Variants in NKAIN2 observed in about 807,000 individuals in gnomAD.
NKAIN2 encodes sodium/potassium transporting ATPase interacting 2, also known as sodium/potassium-transporting ATPase subunit beta-1-interacting protein 2.
In NKAIN2, 14 loss-of-function variants were observed where a neutral mutation model predicts 32.6. That is an observed-to-expected ratio of 0.43 (90% CI 0.28 to 0.67). NKAIN2 has a LOEUF of 0.67. Among genes scored for constraint, NKAIN2 ranks in the 30% least tolerant of loss-of-function variants. The pLI is 0.17. For missense variants in NKAIN2, 198 were observed against 258.3 expected, an observed-to-expected ratio of 0.77 and a Z score of 1.60; for synonymous variants, 80 against 87.2, an observed-to-expected ratio of 0.92 and a Z score of 0.46.
intron 1 of NKAIN2, among the ~76,000 whole-genome samples, chr6:124,023,463 C>G (rs553717789): frequency 1.3e-5 from 2 of 152,160 alleles, no homozygotes; most frequent in African/African-American, 4.8e-5. Flanking sequence ...TTCCATCTTT[C>G]AAATACTAAA....
chr6:124,305,915 T>G (rs1181292903), intron 2 of NKAIN2, among the ~76,000 whole-genome samples: 1 of 152,166 alleles, frequency 6.6e-6, no homozygotes, highest in Non-Finnish European at 1.5e-5. Context: ...TAATTCTTTC[T>G]TTTCTTCTTT....
intron 1 of NKAIN2, among the ~76,000 whole-genome samples, chr6:123,967,237 G>A (rs2114626711): frequency 6.6e-6 from 1 of 152,296 alleles, no homozygotes. Flanking sequence ...GGGAGTGGGT[G>A]TGCACATGTG....
chr6:123,918,641 C>T (rs1467631671), intron 1 of NKAIN2, among the ~76,000 whole-genome samples: 1 of 152,130 alleles, frequency 6.6e-6, no homozygotes, highest in Non-Finnish European at 1.5e-5. Context: ...ATATTTAAAT[C>T]ACTGGACTGA....
intron 3 of NKAIN2, among the ~76,000 whole-genome samples, chr6:124,521,969 C>T (rs1779134232): frequency 6.6e-6 from 1 of 152,024 alleles, no homozygotes; most frequent in Non-Finnish European, 1.5e-5. Flanking sequence ...TTCCTAATCA[C>T]TAATAGAAAA....
rs964823191 is a variant in NKAIN2, at chr6:124,680,288, A to T, written c.474+21902A>T. Among the ~76,000 whole-genome samples, 3 of 152,170 alleles carry T rather than the reference A, an allele frequency of 2.0e-5. No homozygotes were observed. The East Asian group carries it at 5.8e-4, about 29-fold the overall frequency. ...ACCTCCTTATAAAGGAGAAGCCAAG[A>T]GATGCTGTGGCAGTTGATGATTTGA... On this transcript the variant is annotated intron_variant, in intron 4 of 6. Coordinates refer to ENST00000368417, the MANE Select transcript of NKAIN2 (RefSeq NM_001040214.3).
chr6:123,804,643 C>T (rs1194364075), intron 1 of NKAIN2, among the ~76,000 whole-genome samples: 1 of 152,120 alleles, frequency 6.6e-6, no homozygotes, highest in Non-Finnish European at 1.5e-5. Flanking sequence ...CTTTTCTTCT[C>T]TATACTAATT....
intron 4 of NKAIN2, among the ~76,000 whole-genome samples, chr6:124,763,791 A>G (rs1778379429): frequency 6.6e-6 from 1 of 152,218 alleles, no homozygotes; most frequent in African/African-American, 2.4e-5. Flanking sequence ...TTTAAACAAC[A>G]TTCATAGATA....
At chr6:123,819,066 T>C (rs1773815269) in intron 1 of NKAIN2, among the ~76,000 whole-genome samples, 1 of 152,192 alleles carries the variant, frequency 6.6e-6, no homozygotes, top group African/African-American at 2.4e-5. Context: ...AGGTGTTAAC[T>C]TCGTCAGGTG....
chr6:123,992,595 T>A (rs1779457658), intron 1 of NKAIN2, among the ~76,000 whole-genome samples: 2 of 152,198 alleles, frequency 1.3e-5, no homozygotes, highest in Admixed American at 1.3e-4. Context: ...GTTAAGACAT[T>A]ATTGAATGTG....
chr6:124,723,574 G>C (rs1776132636), intron 4 of NKAIN2, among the ~76,000 whole-genome samples: 1 of 152,172 alleles, frequency 6.6e-6, no homozygotes, highest in African/African-American at 2.4e-5. Flanking sequence ...TTAGACCTTA[G>C]CTATTTGGGA....
At chr6:124,572,781 C>A (rs1781177197) in intron 3 of NKAIN2, among the ~76,000 whole-genome samples, 1 of 152,058 alleles carries the variant, frequency 6.6e-6, no homozygotes, top group South Asian at 2.1e-4. Context: ...CAATTAATTC[C>A]ATATAAATAT....
chr6:124,484,934 A>T (rs1284082178), intron 3 of NKAIN2, among the ~76,000 whole-genome samples: 1 of 152,156 alleles, frequency 6.6e-6, no homozygotes, highest in Non-Finnish European at 1.5e-5. Context: ...CTGCTAGCAT[A>T]TAAAACACAT....
At chr6:124,065,213 TACAC>T (rs144681461) in intron 1 of NKAIN2, among the ~76,000 whole-genome samples, 45 of 147,974 alleles carry the variant, frequency 3.0e-4, no homozygotes, top group African/African-American at 4.5e-4. Context: ...ATCAGAAAAT[TACAC>T]ACACACACAC....
intron 1 of NKAIN2, among the ~76,000 whole-genome samples, chr6:123,919,638 T>C (rs1775657641): frequency 1.3e-5 from 2 of 152,152 alleles, no homozygotes; most frequent in Non-Finnish European, 2.9e-5. Context: ...CTACATGGTG[T>C]GTTATCTCCT....
At chr6:123,879,333 G>T (rs1773335983) in intron 1 of NKAIN2, among the ~76,000 whole-genome samples, 1 of 152,162 alleles carries the variant, frequency 6.6e-6, no homozygotes, top group South Asian at 2.1e-4. Context: ...AAATCTAAAG[G>T]ATATAGTTGA....
chr6:123,842,250 T>G (rs536045999), intron 1 of NKAIN2, among the ~76,000 whole-genome samples: 1 of 152,322 alleles, frequency 6.6e-6, no homozygotes, highest in South Asian at 2.1e-4. Flanking sequence ...ACAGCAGATA[T>G]GTATTTCTCA....
chr6:123,823,367 GAC>G (rs1774004585), intron 1 of NKAIN2: 1 of 152,184 alleles, frequency 6.6e-6, no homozygotes, highest in Non-Finnish European at 1.5e-5. Flanking sequence ...GAGATGTGTT[GAC>G]AGATGGGATA....
chr6:123,934,344 T>C (rs1285212890), intron 1 of NKAIN2, among the ~76,000 whole-genome samples: 2 of 152,106 alleles, frequency 1.3e-5, no homozygotes, highest in African/African-American at 4.8e-5. Context: ...GTGCTCATTC[T>C]CTCCTTACTA....
chr6:124,079,713 G>C (rs1783863115), intron 1 of NKAIN2, among the ~76,000 whole-genome samples: 1 of 152,116 alleles, frequency 6.6e-6, no homozygotes, highest in Non-Finnish European at 1.5e-5. Context: ...CATGTAAACA[G>C]ATCACAGGCT....
Sources: gnomAD v4.1 joint callset for allele counts (sites outside exome capture counted in the v4.1 genomes callset) on GRCh38, gnomAD v4.1.1 for gene constraint, MANE v1.5 for transcripts, NCBI Gene and HGNC (gene_info 2026-07-23, HGNC 2026-07-21) for gene names.